Variants in ANKFN1 observed in about 807,000 individuals in gnomAD.
The protein encoded by ANKFN1 is ankyrin repeat and fibronectin type-III domain-containing protein 1.
A neutral mutation model predicts 108.7 loss-of-function variants in ANKFN1; 74 were observed. The observed-to-expected ratio is 0.68, with a 90% CI of 0.56 to 0.83. ANKFN1 has a LOEUF of 0.83. Among genes scored for constraint, ANKFN1 ranks in the 40% least tolerant of loss-of-function variants. The probability of loss-of-function intolerance (pLI) is 0.00; values close to 1 mark genes in which losing one functional copy is unlikely to be tolerated. For missense variants in ANKFN1, 1,505 were observed against 1,382.3 expected (o/e 1.09, Z -1.41); for synonymous variants, 547 against 516.2 (o/e 1.06, Z -0.81).
At chr17:56,299,430 C>T (rs2044609736) in intron 3 of ANKFN1, among the ~76,000 whole-genome samples, 1 of 152,210 alleles carries the variant, frequency 6.6e-6, no homozygotes, top group Non-Finnish European at 1.5e-5. Flanking sequence ...AAAGCTTCCT[C>T]CTACATAAAG....
chr17:56,106,423 C>T (rs1905752333), intron 4 of ANKFN1, among the ~76,000 whole-genome samples: 1 of 152,214 alleles, frequency 6.6e-6, no homozygotes, highest in Non-Finnish European at 1.5e-5. Flanking sequence ...GCATGGACCT[C>T]AGATCCCCTT....
At chr17:56,296,856 C>G (rs574054431) in intron 3 of ANKFN1, among the ~76,000 whole-genome samples, 2 of 152,182 alleles carry the variant, frequency 1.3e-5, no homozygotes, top group Non-Finnish European at 2.9e-5. Flanking sequence ...GTGCTGAACT[C>G]CCAGGGCTCA....
chr17:56,304,038 T>A (rs983273684), intron 3 of ANKFN1, among the ~76,000 whole-genome samples: 1 of 152,000 alleles, frequency 6.6e-6, no homozygotes, highest in African/African-American at 2.4e-5. Context: ...AGTGGTAACA[T>A]CTTCCATCCA....
At chr17:56,500,868 G>C (rs2051347482) in intron 20 of ANKFN1, among the ~76,000 whole-genome samples, 1 of 152,172 alleles carries the variant, frequency 6.6e-6, no homozygotes, top group Non-Finnish European at 1.5e-5. Flanking sequence ...TGCTCCCATA[G>C]AGCATACTTA....
intron 4 of ANKFN1, among the ~76,000 whole-genome samples, chr17:56,118,258 T>C (rs567726580): frequency 2.2e-4 from 34 of 152,282 alleles, no homozygotes; most frequent in African/African-American, 7.9e-4. Context: ...AAGGGGAATC[T>C]CTAGATCAGA....
chr17:56,088,990 T>C (rs967724411), intron 4 of ANKFN1, among the ~76,000 whole-genome samples: 7 of 151,242 alleles, frequency 4.6e-5, no homozygotes, highest in Non-Finnish European at 7.4e-5. Flanking sequence ...CTCCTTAGAA[T>C]GTAGGATGCT....
chr17:56,409,587 C>T (rs2048026971), intron 8 of ANKFN1, among the ~76,000 whole-genome samples: 1 of 152,108 alleles, frequency 6.6e-6, no homozygotes, highest in South Asian at 2.1e-4. Context: ...ATCCTGATAG[C>T]TGACTGCTCT....
At chr17:56,509,112 C>G (rs1232659859) in intron 20 of ANKFN1, among the ~76,000 whole-genome samples, 2 of 152,196 alleles carry the variant, frequency 1.3e-5, no homozygotes, top group African/African-American at 2.4e-5. Flanking sequence ...ATAAATTTAT[C>G]TCATCCTTTG....
Position 56,490,632 on chromosome 17 carries a change from C to T in ANKFN1, c.2261-1555C>T, listed in dbSNP as rs190643917. Among the ~76,000 whole-genome samples, 21 of 152,066 alleles carry T rather than the reference C, an allele frequency of 1.4e-4. No homozygotes were observed. In the East Asian group the frequency reaches 2.7e-3, roughly 20 times the overall value. The stretch of plus-strand genomic sequence containing the variant: ...TAAGCAGGGAAATAGTATGAGAATT[C>T]GATCATTTGGGAGAAGCTCCATAGC... On this transcript the variant is annotated intron_variant, in intron 18 of 20. Transcript: ENST00000682825.
At chr17:56,277,988 A>G (rs79429147) in intron 3 of ANKFN1, among the ~76,000 whole-genome samples, 2,365 of 152,334 alleles carry the variant, frequency 0.016, 22 homozygotes, top group Middle Eastern at 0.034. Context: ...AGAATGTCCG[A>G]TAAGGGTCAT....
chr17:56,152,089 C>A (rs559598370), upstream of ANKFN1, among the ~76,000 whole-genome samples: 2 of 152,170 alleles, frequency 1.3e-5, no homozygotes, highest in South Asian at 2.1e-4. Flanking sequence ...CATGCAGCAA[C>A]AACTAAATCC....
chr17:56,120,298 TAC>T (rs1211264053), intron 4 of ANKFN1, among the ~76,000 whole-genome samples: 1 of 152,160 alleles, frequency 6.6e-6, no homozygotes, highest in Non-Finnish European at 1.5e-5. Flanking sequence ...TCTGCCCTTC[TAC>T]AAGCCACGTT....
chr17:56,457,193 A>G, intron 12 of ANKFN1, 64 bp from the exon 13 acceptor site: 1 of 1,454,940 alleles, frequency 6.9e-7, no homozygotes, highest in Admixed American at 2.4e-5. Context: ...CTTTTATCAC[A>G]TCCAAAAAAA....
intron 8 of ANKFN1, among the ~76,000 whole-genome samples, chr17:56,414,696 T>C (rs1184303322): frequency 6.6e-6 from 1 of 152,126 alleles, no homozygotes; most frequent in Non-Finnish European, 1.5e-5. Flanking sequence ...CTGAAAAGCA[T>C]TGATAAAATT....
Position 56,477,487 on chromosome 17 carries a change from G to A in ANKFN1, c.1774-1G>A. 6.4e-7 allele frequency: 1 copy of A among 1,553,044 alleles called. No individual in the cohort carries two copies. The highest frequency in any genetic ancestry group is 8.7e-7 in the Non-Finnish European group (1 of 1,149,554). On this transcript the variant is annotated splice_acceptor_variant, in intron 15 of 20. Coordinates refer to ENST00000682825, the MANE Select transcript of ANKFN1 (RefSeq NM_001370326.1). LOFTEE classifies it high-confidence loss of function. ...TTTTTTTTTTTTTTTTAACCCTACAGGATATTCTATCCTATCACAAAAGGA... is the reference window on the plus strand; with the variant it reads ...TTTTTTTTTTTTTTTTAACCCTACAAGATATTCTATCCTATCACAAAAGGA...
At chr17:56,479,959 A>G (rs2145362755) in intron 16 of ANKFN1, among the ~76,000 whole-genome samples, 1 of 152,372 alleles carries the variant, frequency 6.6e-6, no homozygotes, top group South Asian at 2.1e-4. Context: ...TTTGAAGAGC[A>G]GCCTTTGGGG....
At chr17:56,088,117 T>C (rs889608429) in intron 4 of ANKFN1, among the ~76,000 whole-genome samples, 1 of 151,418 alleles carries the variant, frequency 6.6e-6, no homozygotes, top group East Asian at 1.9e-4. Flanking sequence ...TTTAATGATA[T>C]CTAGGTCCAC....
At chr17:56,478,882 G>A (rs1380252804) in intron 16 of ANKFN1, among the ~76,000 whole-genome samples, 1 of 152,074 alleles carries the variant, frequency 6.6e-6, no homozygotes, top group African/African-American at 2.4e-5. Flanking sequence ...CCCTAAAGTG[G>A]CAAGACTTTA....
chr17:56,352,939 G>A (rs1400108894), intron 5 of ANKFN1, among the ~76,000 whole-genome samples: 2 of 152,166 alleles, frequency 1.3e-5, no homozygotes, highest in Non-Finnish European at 2.9e-5. Context: ...TGACAATGTA[G>A]AGGCTGGGGA....
Sources: allele counts gnomAD v4.1 joint callset (sites outside exome capture counted in the v4.1 genomes callset), GRCh38; gene constraint gnomAD v4.1.1; transcripts MANE v1.5; gene names NCBI Gene and HGNC (gene_info 2026-07-23, HGNC 2026-07-21).